Variants in NPAS3 observed in about 807,000 individuals in gnomAD.
NPAS3 encodes neuronal PAS domain-containing protein 3.
In NPAS3, 14 loss-of-function variants were observed where a neutral mutation model predicts 73.1. That is an observed-to-expected ratio of 0.19 (90% CI 0.13 to 0.30). The LOEUF (loss-of-function observed/expected upper bound fraction) is 0.30, where lower values mean the gene tolerates loss of function less well. NPAS3 is among the 10% of genes least tolerant of loss of function. The probability of loss-of-function intolerance (pLI) is 1.00; values close to 1 mark genes in which losing one functional copy is unlikely to be tolerated. For synonymous variants in NPAS3, 620 were observed against 541.5 expected, an observed-to-expected ratio of 1.14 and a Z score of -2.01; for missense variants, 1,096 against 1,250.0, an observed-to-expected ratio of 0.88 and a Z score of 1.86.
intron 3 of NPAS3, among the ~76,000 whole-genome samples, chr14:33,266,027 A>C (rs2040801187): frequency 6.6e-6 from 1 of 151,704 alleles, no homozygotes; most frequent in Non-Finnish European, 1.5e-5. Context: ...ATACATATAC[A>C]CACACATTTA....
chr14:33,516,593 A>C (rs1274487407), intron 4 of NPAS3, among the ~76,000 whole-genome samples: 2 of 152,174 alleles, frequency 1.3e-5, no homozygotes, highest in African/African-American at 4.8e-5. Flanking sequence ...CAAGTTCTAT[A>C]ACCTCTCTGA....
rs2063678849 is a variant in NPAS3 at position 33,800,617 on chromosome 14, CGGCGGCGCG to C, written c.2313_2321del (p.Ala773_Gly775del). On this transcript the variant is annotated inframe_deletion, in exon 12 of 12. Coordinates refer to ENST00000356141, the Ensembl canonical transcript of NPAS3. This position sits in a 1 kb window ranked among gnomAD's most constrained non-coding sequence, Gnocchi z 6.5. ...ACGGCGGCGGGGGCGGGGGCGGGGG[CGGCGGCGCG>C]GGGGGCGGCGGCCCCAGCGCGTCCA... The C allele has an allele frequency of 1.5e-6, 2 of 1,346,078 alleles. No homozygotes were observed. The highest frequency in any genetic ancestry group is 3.1e-5 in the East Asian group (1 of 31,902). 83.4% of individuals were successfully genotyped at this position (1,346,078 alleles called of 1,614,324 possible). A position where few individuals can be genotyped will look rare whatever the true frequency, so the allele number is the denominator to read the frequency against.
chr14:33,783,607 G>A (rs1209661644), intron 9 of NPAS3, among the ~76,000 whole-genome samples: 5 of 130,460 alleles, frequency 3.8e-5, no homozygotes, highest in Non-Finnish European at 6.5e-5. Flanking sequence ...GTGTGGGGGG[G>A]CGGGTACCGG....
At chr14:33,555,769 A>G (rs1457494362) in intron 4 of NPAS3, among the ~76,000 whole-genome samples, 1 of 152,146 alleles carries the variant, frequency 6.6e-6, no homozygotes, top group Non-Finnish European at 1.5e-5. Context: ...TTCATATCCC[A>G]TTTTTTATTT....
intron 5 of NPAS3, among the ~76,000 whole-genome samples, chr14:33,653,046 T>C (rs767132630): frequency 6.6e-5 from 10 of 152,234 alleles, no homozygotes; most frequent in Non-Finnish European, 1.5e-4. Context: ...TACCAAATAA[T>C]GGAGCACTTG....
At chr14:33,530,638 G>T (rs779319102) in intron 4 of NPAS3, among the ~76,000 whole-genome samples, 9 of 152,022 alleles carry the variant, frequency 5.9e-5, no homozygotes, top group Non-Finnish European at 1.2e-4. Flanking sequence ...AAGAAGCAGG[G>T]GAATTTCCTT....
intron 4 of NPAS3, among the ~76,000 whole-genome samples, chr14:33,526,978 C>T (rs1395714112): frequency 1.3e-5 from 2 of 152,132 alleles, no homozygotes; most frequent in Non-Finnish European, 2.9e-5. Flanking sequence ...TATGTAAAGA[C>T]TCTGTAAGGA....
chr14:33,706,332 G>C (rs1219950893), intron 6 of NPAS3, among the ~76,000 whole-genome samples: 1 of 152,202 alleles, frequency 6.6e-6, no homozygotes, highest in African/African-American at 2.4e-5. Flanking sequence ...TTTATCTTTA[G>C]AATATCCATG....
rs1245171395 is a variant in NPAS3 at position 33,010,951 on chromosome 14, A to AG, written c.51-44954_51-44953insG. 7.1e-4 allele frequency among the ~76,000 whole-genome samples: 67 copies of AG among 94,800 alleles called. 1 individual carries two copies. The East Asian group carries it at 0.019, about 27-fold the overall frequency. 62.2% of individuals were successfully genotyped at this position (94,800 alleles called of 152,430 possible). On this transcript the variant is annotated intron_variant, in intron 1 of 11. Transcript: ENST00000356141. Reference sequence around the variant, plus strand: ...CAGAACCTGTCTCAAAAAAAAAAAAAAAAAGAAAAGAAAAACATTGACATA... The same window carrying AG: ...CAGAACCTGTCTCAAAAAAAAAAAAAGAAAAGAAAAGAAAAACATTGACATA...
At chr14:33,627,452 T>A (rs538960917) in intron 5 of NPAS3, among the ~76,000 whole-genome samples, 3 of 152,310 alleles carry the variant, frequency 2.0e-5, no homozygotes, top group African/African-American at 7.2e-5. Context: ...GACTTTAAGT[T>A]CTATCAGTGA....
chr14:33,163,623 G>GTTTTTTTTTTTTTTTTTTTTTTTT (rs71448290), intron 2 of NPAS3, among the ~76,000 whole-genome samples: 2 of 110,620 alleles, frequency 1.8e-5, no homozygotes, highest in Non-Finnish European at 3.9e-5. Flanking sequence ...GTGTTTTGTT[G>GTTTTTTTTTTTTTTTTTTTTTTTT]TTTTTTTTTT....
intron 4 of NPAS3, among the ~76,000 whole-genome samples, chr14:33,520,232 A>G (rs1595075896): frequency 1.3e-5 from 2 of 152,118 alleles, no homozygotes; most frequent in South Asian, 4.1e-4. Context: ...TCTCCGGGTT[A>G]TATAGTTTCT....
chr14:33,202,500 T>G (rs2046656227), intron 2 of NPAS3, among the ~76,000 whole-genome samples: 1 of 152,142 alleles, frequency 6.6e-6, no homozygotes, highest in South Asian at 2.1e-4. Flanking sequence ...AAGGCAGATT[T>G]TTATGAGAGG....
chr14:33,320,816 A>G (rs1009681751), intron 3 of NPAS3, among the ~76,000 whole-genome samples: 1 of 152,156 alleles, frequency 6.6e-6, no homozygotes, highest in Non-Finnish European at 1.5e-5. Flanking sequence ...GTATTTGCTG[A>G]TTGACTACCA....
At chr14:33,679,062 G>A (rs1039259103) in intron 6 of NPAS3, among the ~76,000 whole-genome samples, 3 of 152,068 alleles carry the variant, frequency 2.0e-5, no homozygotes, top group African/African-American at 7.2e-5. Context: ...AATTTACTTA[G>A]GTTTCCTTCC....
chr14:33,066,177 C>A (rs754114267), intron 2 of NPAS3, among the ~76,000 whole-genome samples: 5 of 152,098 alleles, frequency 3.3e-5, no homozygotes, highest in Non-Finnish European at 5.9e-5. Flanking sequence ...GCTTCTCATC[C>A]CCTGGAGAAA....
At chr14:33,062,926 A>T (rs2041158851) in intron 2 of NPAS3, among the ~76,000 whole-genome samples, 1 of 152,244 alleles carries the variant, frequency 6.6e-6, no homozygotes, top group African/African-American at 2.4e-5. Context: ...GACTTAGTTT[A>T]TGCATTAGAG....
intron 3 of NPAS3, among the ~76,000 whole-genome samples, chr14:33,219,155 T>C (rs1259949167): frequency 6.6e-6 from 1 of 152,192 alleles, no homozygotes; most frequent in African/African-American, 2.4e-5. Flanking sequence ...TTTAAAGAAA[T>C]CTCATTGTGG....
intron 2 of NPAS3, among the ~76,000 whole-genome samples, chr14:33,129,314 G>C (rs2043547961): frequency 6.6e-6 from 1 of 152,132 alleles, no homozygotes; most frequent in Non-Finnish European, 1.5e-5. Flanking sequence ...ACCATTGTCA[G>C]TGTATGAAAA....
Sources: allele counts gnomAD v4.1 joint callset (sites outside exome capture counted in the v4.1 genomes callset), GRCh38; gene constraint gnomAD v4.1.1; non-coding constraint Gnocchi (gnomAD v3.1); transcripts MANE v1.5; gene names NCBI Gene and HGNC (gene_info 2026-07-23, HGNC 2026-07-21).